The following DNAJC5B variants were observed in gnomAD, a reference collection of about 807,000 sequenced individuals.
DNAJC5B encodes DnaJ heat shock protein family (Hsp40) member C5 beta.
Under a neutral mutation model 24.7 loss-of-function variants are expected in DNAJC5B, and 23 were observed. The ratio of observed to expected loss-of-function variants is 0.93; its 90% CI spans 0.67 to 1.32. The LOEUF (loss-of-function observed/expected upper bound fraction) is 1.32. Ranked by LOEUF, DNAJC5B falls within the 40% of genes most tolerant of loss-of-function variation. The pLI is 0.00. For missense variants in DNAJC5B, 238 were observed against 240.8 expected (o/e 0.99, Z 0.08); for synonymous variants, 101 against 90.1 (o/e 1.12, Z -0.68).
chr8:66,096,015 G>T (rs1264508402), intron 5 of DNAJC5B, among the ~76,000 whole-genome samples: 1 of 152,096 alleles, frequency 6.6e-6, no homozygotes, highest in African/African-American at 2.4e-5. Flanking sequence ...ATTGAATAAA[G>T]CTAATTTATT....
Position 66,100,063 on chromosome 8 carries a change from C to G in DNAJC5B, c.*32C>G, listed in dbSNP as rs1477937009. The G allele has an allele frequency of 2.5e-6, 4 of 1,593,066 alleles. No individual in the cohort carries two copies. In the African/African-American group the frequency reaches 5.4e-5, roughly 21 times the overall value. On this transcript the variant is annotated 3_prime_UTR_variant, in exon 6 of 6. Coordinates refer to ENST00000276570, the MANE Select transcript of DNAJC5B (RefSeq NM_033105.6). ...GCCCTCAGAGAGTCCACAGTCCCTCCTCTCAGTTCAGTCTTGTCTCCAGAT... is the reference window on the plus strand; with the variant it reads ...GCCCTCAGAGAGTCCACAGTCCCTCGTCTCAGTTCAGTCTTGTCTCCAGAT...
intron 1 of DNAJC5B, among the ~76,000 whole-genome samples, chr8:66,024,572 C>T (rs1806215575): frequency 1.0e-5 from 1 of 95,870 alleles, no homozygotes; most frequent in South Asian, 5.0e-4. Context: ...GCTATCCCTC[C>T]CCCCTCCCCC....
At chr8:66,034,234 G>A (rs1363910026) in intron 1 of DNAJC5B, among the ~76,000 whole-genome samples, 1 of 142,800 alleles carries the variant, frequency 7.0e-6, no homozygotes, top group Non-Finnish European at 1.5e-5. Context: ...TCTTTTGCTG[G>A]AAGTGAGATG....
At chr8:66,046,070 A>G (rs953078405) in intron 2 of DNAJC5B, among the ~76,000 whole-genome samples, 2 of 152,114 alleles carry the variant, frequency 1.3e-5, no homozygotes, top group African/African-American at 4.8e-5. Context: ...GCTATGGCTC[A>G]TGTGGTTCCT....
chr8:66,051,538 G>A lies in DNAJC5B; in HGVS notation c.-10G>A. On this transcript the variant is annotated 5_prime_UTR_variant, in exon 3 of 6. Coordinates refer to ENST00000276570, the MANE Select transcript of DNAJC5B (RefSeq NM_033105.6). ...CTATTTTCTCCCCTTTAGTTTTGCAGCCTTAGAAAATGGCATGTAACATAC... is the reference window on the plus strand; with the variant it reads ...CTATTTTCTCCCCTTTAGTTTTGCAACCTTAGAAAATGGCATGTAACATAC... 6.2e-7 allele frequency: 1 copy of A among 1,604,988 alleles called. No homozygotes were observed. Among genetic ancestry groups the A allele is most frequent in the African/African-American group, 1.3e-5 (1 of 74,702 alleles).
At chr8:66,068,656 A>G (rs1215327484) in intron 3 of DNAJC5B, among the ~76,000 whole-genome samples, 1 of 152,134 alleles carries the variant, frequency 6.6e-6, no homozygotes, top group Admixed American at 6.5e-5. Flanking sequence ...AGGAGAGTAG[A>G]AAGAGAATGA....
intron 3 of DNAJC5B, among the ~76,000 whole-genome samples, chr8:66,073,461 G>T (rs1807394158): frequency 6.6e-6 from 1 of 151,326 alleles, no homozygotes; most frequent in African/African-American, 2.4e-5. Context: ...AATCTCAATA[G>T]GTTGTGTGAA....
At chr8:66,090,293 G>C (rs938723005) in intron 5 of DNAJC5B, among the ~76,000 whole-genome samples, 1 of 151,662 alleles carries the variant, frequency 6.6e-6, no homozygotes. Flanking sequence ...TAGAGAGAGA[G>C]AGAGAGAGAA....
At chr8:66,085,161 C>T (rs999100830) in intron 5 of DNAJC5B, among the ~76,000 whole-genome samples, 3 of 152,152 alleles carry the variant, frequency 2.0e-5, no homozygotes, top group Admixed American at 6.5e-5. Context: ...TGGCCAGGGC[C>T]GGGCACAGTG....
At chr8:66,040,576 C>T (rs1806586420) in intron 1 of DNAJC5B, among the ~76,000 whole-genome samples, 1 of 152,062 alleles carries the variant, frequency 6.6e-6, no homozygotes. Flanking sequence ...AGGTGTTTTC[C>T]ACATTACTTG....
intron 1 of DNAJC5B, among the ~76,000 whole-genome samples, chr8:66,043,190 G>A (rs1806651240): frequency 1.3e-5 from 2 of 152,184 alleles, no homozygotes; most frequent in Non-Finnish European, 2.9e-5. Flanking sequence ...CCCCTTATTA[G>A]TGTTGCATGT....
At position 66,100,019 on chromosome 8, in the gene DNAJC5B, C is replaced by T. The variant is rs1808040420; in HGVS notation, c.588C>T (p.Cys196=). The stretch of plus-strand genomic sequence containing the variant: ...TCAAAGAAGGATCTCGAAGTTATTG[C>T]ACAGACTCTTGATATTGAGCCCTCA... ...QLIKEGSRSY[C]TDS is the part of the protein sequence containing the mutation. Residue 196 remains cysteine (C), a synonymous_variant, in exon 6 of 6, where the codon TGC becomes TGT. Coordinates refer to ENST00000276570, the MANE Select transcript of DNAJC5B (RefSeq NM_033105.6). 6.2e-7 allele frequency: 1 copy of T among 1,613,832 alleles called. No individual in the cohort carries two copies. The highest frequency in any genetic ancestry group is 1.1e-5 in the South Asian group (1 of 91,052).
chr8:66,090,882 T>C (rs1807833091), intron 5 of DNAJC5B, among the ~76,000 whole-genome samples: 1 of 152,148 alleles, frequency 6.6e-6, no homozygotes, highest in African/African-American at 2.4e-5. Context: ...AAATAATACA[T>C]GGAAAACAAT....
At chr8:66,086,609 T>C (rs1308545526) in intron 5 of DNAJC5B, among the ~76,000 whole-genome samples, 2 of 152,158 alleles carry the variant, frequency 1.3e-5, no homozygotes, top group African/African-American at 4.8e-5. Context: ...ACAAAATGCC[T>C]CCAGAGCATA....
At chr8:66,018,178 A>C (rs1747438436), upstream of DNAJC5B, among the ~76,000 whole-genome samples, 1 of 152,136 alleles carries the variant, frequency 6.6e-6, no homozygotes, top group Non-Finnish European at 1.5e-5. Context: ...CTCACTCTAG[A>C]CATCCCAAAC....
chr8:66,022,541 A>G (rs1346585760), intron 1 of DNAJC5B, among the ~76,000 whole-genome samples: 1 of 152,156 alleles, frequency 6.6e-6, no homozygotes, highest in Admixed American at 6.5e-5. Context: ...GTAAGAGTCC[A>G]TGTTCTGACA....
intron 3 of DNAJC5B, among the ~76,000 whole-genome samples, chr8:66,062,101 A>G (rs1438910498): frequency 6.6e-6 from 1 of 152,274 alleles, no homozygotes; most frequent in Admixed American, 6.5e-5. Context: ...TTGAGGGCAG[A>G]CACTGTGCCT....
intron 2 of DNAJC5B, among the ~76,000 whole-genome samples, chr8:66,050,161 T>C (rs1806815114): frequency 6.6e-6 from 1 of 152,200 alleles, no homozygotes; most frequent in Non-Finnish European, 1.5e-5. Context: ...GTAGGTGCAG[T>C]GATTTAAGAA....
intron 5 of DNAJC5B, among the ~76,000 whole-genome samples, chr8:66,098,625 A>G (rs1057222789): frequency 5.3e-5 from 8 of 151,910 alleles, no homozygotes; most frequent in African/African-American, 1.9e-4. Flanking sequence ...TATGTTAGAT[A>G]TGTTAGACCT....
Sources: gnomAD v4.1 joint callset for allele counts (sites outside exome capture counted in the v4.1 genomes callset) on GRCh38, gnomAD v4.1.1 for gene constraint, MANE v1.5 for transcripts, NCBI Gene and HGNC (gene_info 2026-07-23, HGNC 2026-07-21) for gene names.